The following RIMBP2 variants were observed in gnomAD, a reference collection of about 807,000 sequenced individuals.
RIMBP2 encodes RIMS binding protein 2, also known as RIMS-binding protein 2.
A neutral mutation model predicts 118.6 loss-of-function variants in RIMBP2; 48 were observed. That is an observed-to-expected ratio of 0.40 (90% CI 0.32 to 0.51). The LOEUF is 0.51. RIMBP2 is among the 20% of genes least tolerant of loss of function. The probability of loss-of-function intolerance (pLI) is 0.41; values close to 1 mark genes in which losing one functional copy is unlikely to be tolerated. For missense variants in RIMBP2, 1,551 were observed against 1,768.3 expected (o/e 0.88, Z 2.20); for synonymous variants, 762 against 742.9 (o/e 1.03, Z -0.42).
Position 130,445,093 on chromosome 12 carries a change from G to A in RIMBP2, c.691+67C>T. 3 of 1,026,794 alleles carry A rather than the reference G, an allele frequency of 2.9e-6. 1 individual carries two copies. The South Asian group carries it at 5.1e-5, about 18-fold the overall frequency. The allele number at this position is 1,026,794 out of a possible 1,614,324, so 63.6% of individuals were successfully genotyped here. On this transcript the variant is annotated intron_variant, in intron 10 of 22. Coordinates refer to ENST00000690449, the MANE Select transcript of RIMBP2 (RefSeq NM_001393629.1). ...AGCCCTGCCTATCTATCAGGCCCCT[G>A]GAAGAGGTGGTCTGCGGGGTGGACT...
At position 130,447,985 on chromosome 12, in the gene RIMBP2, C is replaced by T. The variant is rs1381496672; in HGVS notation, c.581+2215G>A. On this transcript the variant is annotated intron_variant, in intron 9 of 22. Coordinates refer to ENST00000690449, the MANE Select transcript of RIMBP2 (RefSeq NM_001393629.1). This position sits in a 1 kb window ranked among gnomAD's most constrained non-coding sequence, Gnocchi z 4.4. ...TTAGACCCGGGGCAGAAAACATAAC[C>T]CCCTCCCTACATCTACCTGCAAAGC... is the stretch of plus-strand genomic sequence containing the variant. 6.6e-6 allele frequency among the ~76,000 whole-genome samples: 1 copy of T among 151,970 alleles called. No homozygotes were observed. Among genetic ancestry groups the T allele is most frequent in the East Asian group, 1.9e-4 (1 of 5,174 alleles).
chr12:130,615,294 T>C (rs2060854137), intron 2 of RIMBP2, among the ~76,000 whole-genome samples: 1 of 125,846 alleles, frequency 7.9e-6, no homozygotes. Context: ...TATATATATA[T>C]ATGTGTACAC....
At chr12:130,440,794 T>A (rs781633499) in intron 11 of RIMBP2, among the ~76,000 whole-genome samples, 3 of 152,232 alleles carry the variant, frequency 2.0e-5, no homozygotes, top group Non-Finnish European at 2.9e-5. Context: ...AGGCAGCGTC[T>A]GTCCCACCTA....
rs574735842 is a variant in RIMBP2 at position 130,496,334 on chromosome 12, C to T, written c.-4+10314G>A. 5.3e-5 allele frequency among the ~76,000 whole-genome samples: 8 copies of T among 152,298 alleles called. No individual in the cohort carries two copies. The East Asian group carries it at 1.4e-3, about 26-fold the overall frequency. ...CACGTGACACATGACTTTCACCTAC[C>T]ACCATGATTGTGAGGCCTCCCCAGC... On this transcript the variant is annotated intron_variant, in intron 4 of 22. Coordinates refer to ENST00000690449, the MANE Select transcript of RIMBP2 (RefSeq NM_001393629.1).
intron 4 of RIMBP2, among the ~76,000 whole-genome samples, chr12:130,504,227 G>T (rs2050087160): frequency 6.6e-6 from 1 of 152,148 alleles, no homozygotes; most frequent in African/African-American, 2.4e-5. Context: ...CGGTCACCAG[G>T]CTCTTCACCA....
chr12:130,686,413 C>T (rs1197160897), intron 1 of RIMBP2, among the ~76,000 whole-genome samples: 4 of 152,236 alleles, frequency 2.6e-5, no homozygotes, highest in Non-Finnish European at 5.9e-5. Context: ...CTGAGAAGCG[C>T]GGCCCAGACA....
intron 2 of RIMBP2, among the ~76,000 whole-genome samples, chr12:130,611,987 G>A (rs547279322): frequency 8.7e-4 from 132 of 152,328 alleles, no homozygotes; most frequent in African/African-American, 3.0e-3. Context: ...TGAGAAGCAT[G>A]TCCTGGATAG....
chr12:130,664,416 CACACGCACACACATGCAT>C (rs1343832405), intron 1 of RIMBP2, among the ~76,000 whole-genome samples: 16 of 94,630 alleles, frequency 1.7e-4, no homozygotes, highest in Admixed American at 6.8e-4. Context: ...CGCACGCACA[CACACGCACACACATGCAT>C]GCACGCACAC....
chr12:130,562,711 C>A (rs2056911192), intron 2 of RIMBP2, among the ~76,000 whole-genome samples: 1 of 152,148 alleles, frequency 6.6e-6, no homozygotes, highest in South Asian at 2.1e-4. Flanking sequence ...AAGGGTGGGG[C>A]CTTGGAAAAG....
Position 130,620,521 on chromosome 12 carries a change from T to C in RIMBP2, c.-217+7801A>G, listed in dbSNP as rs533251155. Among the ~76,000 whole-genome samples the C allele has an allele frequency of 7.9e-5, 12 of 152,304 alleles. No homozygotes were observed. The highest frequency in any genetic ancestry group is 2.6e-4 in the African/African-American group (11 of 41,578). ...AGCCAGGAGGCTTGAAGAACAGGCA[T>C]GCACGGCCCCACAGTCCCAGGGGCC... On this transcript the variant is annotated intron_variant, in intron 2 of 22. Coordinates refer to ENST00000690449, the MANE Select transcript of RIMBP2 (RefSeq NM_001393629.1). The surrounding 1 kb of genome is among the most constrained non-coding windows in gnomAD (Gnocchi z 5.3).
In RIMBP2 at chr12:130,412,658, G is replaced by T. The variant is rs188881471; in HGVS notation, c.3550C>A (p.Gln1184Lys). 6.2e-7 allele frequency: 1 copy of T among 1,613,966 alleles called. No homozygotes were observed. The highest frequency in any genetic ancestry group is 2.2e-5 in the East Asian group (1 of 44,840). The stretch of plus-strand genomic sequence containing the variant: ...GGTGTATTCAGAGGGAGAAAGCCCT[G>T]TCTAAGAAGCTGATCCATCATCTCC... ...DEEMMDQLLR[Q>K]GFLPLNTPVE... The change falls in exon 19 of 23, where the codon CAG becomes AAG. Residue 1184 changes from glutamine to lysine, a missense_variant. Physicochemically the swap from Gln to Lys is moderately conservative, Grantham distance 53. Around this residue, in one of 5 missense-constraint regions of RIMBP2, gnomAD observed 1,038 missense variants for 1,125.1 expected, o/e 0.92. Coordinates refer to ENST00000690449, the MANE Select transcript of RIMBP2 (RefSeq NM_001393629.1).
intron 6 of RIMBP2, among the ~76,000 whole-genome samples, chr12:130,467,991 A>G (rs1269570469): frequency 1.3e-5 from 2 of 152,132 alleles, no homozygotes; most frequent in Non-Finnish European, 2.9e-5. Flanking sequence ...CCTCTATTGT[A>G]TCTGGCTGAG....
At chr12:130,650,681 CTAAT>C (rs1467761683) in intron 1 of RIMBP2, among the ~76,000 whole-genome samples, 2 of 152,210 alleles carry the variant, frequency 1.3e-5, no homozygotes, top group African/African-American at 4.8e-5. Context: ...CAGATTTACT[CTAAT>C]TGTCTGAAGA....
chr12:130,443,653 G>A (rs531129303), intron 10 of RIMBP2, among the ~76,000 whole-genome samples: 4 of 152,330 alleles, frequency 2.6e-5, no homozygotes, highest in South Asian at 4.2e-4. Flanking sequence ...CTTGGATTCC[G>A]TTCCAAACCT....
At chr12:130,412,592 G>A in intron 19 of RIMBP2, 27 bp downstream of exon 19, 1 of 1,604,592 alleles carries the variant, frequency 6.2e-7, no homozygotes, top group Non-Finnish European at 8.5e-7. Context: ...AATGCACAGG[G>A]AAGGTCGAAT....
rs983448263 is a variant in RIMBP2, at chr12:130,447,879, C to T, written c.581+2321G>A. Among the ~76,000 whole-genome samples the T allele has an allele frequency of 2.6e-5, 4 of 152,130 alleles. No individual in the cohort carries two copies. Among genetic ancestry groups the T allele is most frequent in the African/African-American group, 9.7e-5 (4 of 41,426 alleles). On this transcript the variant is annotated intron_variant, in intron 9 of 22. Transcript: ENST00000690449. This position sits in a 1 kb window ranked among gnomAD's most constrained non-coding sequence, Gnocchi z 4.4. ...GAGGCCGCTCGGCACCCAGAGTGAGCGCCCAGGTGAGCAAGAGGCTTTCGG... is the reference window on the plus strand; with the variant it reads ...GAGGCCGCTCGGCACCCAGAGTGAGTGCCCAGGTGAGCAAGAGGCTTTCGG...
In RIMBP2 at chr12:130,422,936, C is replaced by T. The variant is rs35194892; in HGVS notation, c.3130-375G>A. Among the ~76,000 whole-genome samples, 6,332 of 152,298 alleles carry T rather than the reference C, an allele frequency of 0.042. 160 individuals carry two copies. Among genetic ancestry groups the T allele is most frequent in the Non-Finnish European group, 0.051 (3,484 of 68,018 alleles). On this transcript the variant is annotated intron_variant, in intron 16 of 22. Transcript: ENST00000690449. The surrounding 1 kb of genome is among the most constrained non-coding windows in gnomAD (Gnocchi z 5.2). ...TCCCTCTTAGTCTCCACATGCCCCC[C>T]TCCCAGCTGTCACGAAAGTGGGGAA...
intron 1 of RIMBP2, among the ~76,000 whole-genome samples, chr12:130,644,399 C>T (rs113906790): frequency 3.2e-3 from 486 of 152,314 alleles, no homozygotes; most frequent in Non-Finnish European, 5.8e-3. Context: ...AGCCCTGAGA[C>T]GCCTGCTGCA....
At chr12:130,616,111 T>A (rs1010757154) in intron 2 of RIMBP2, among the ~76,000 whole-genome samples, 1 of 152,136 alleles carries the variant, frequency 6.6e-6, no homozygotes, top group Admixed American at 6.5e-5. Flanking sequence ...CAAGAAGGGA[T>A]GTCTGATGTT....
Sources: allele counts gnomAD v4.1 joint callset (sites outside exome capture counted in the v4.1 genomes callset), GRCh38; gene constraint gnomAD v4.1.1; regional missense constraint gnomAD v4.1.1; non-coding constraint Gnocchi (gnomAD v3.1); transcripts MANE v1.5; gene names NCBI Gene and HGNC (gene_info 2026-07-23, HGNC 2026-07-21).